CYP11B2: variants seen among roughly 807,000 people sequenced by gnomAD.
CYP11B2 encodes cytochrome P450 family 11 subfamily B member 2.
Under a neutral mutation model 49.3 loss-of-function variants are expected in CYP11B2, and 38 were observed. The ratio of observed to expected loss-of-function variants is 0.77; its 90% CI spans 0.59 to 1.01. CYP11B2 has a LOEUF of 1.01. CYP11B2 is among the 50% of genes least tolerant of loss of function. The probability of loss-of-function intolerance (pLI) is 0.00; values close to 1 mark genes in which losing one functional copy is unlikely to be tolerated. For synonymous variants in CYP11B2, 290 were observed against 269.3 expected, an observed-to-expected ratio of 1.08 and a Z score of -0.75; for missense variants, 669 against 655.5, an observed-to-expected ratio of 1.02 and a Z score of -0.23.
In CYP11B2 at chr8:142,917,310, C is replaced by G. The variant is rs555358164; in HGVS notation, c.240-96G>C. On this transcript the variant is annotated intron_variant, in intron 1 of 8. Coordinates refer to ENST00000323110, the MANE Select transcript of CYP11B2 (RefSeq NM_000498.3). ...CCAAAGTGTCTCCTGTCCACCCTCC[C>G]TGCTCCTGGATTAGCGGCTTCACAG... 4.9e-5 allele frequency: 72 copies of G among 1,478,420 alleles called. No individual in the cohort carries two copies. In the Admixed American group the frequency reaches 7.2e-4, roughly 15 times the overall value. The allele number at this position is 1,478,420 out of a possible 1,614,324, so 91.6% of individuals were successfully genotyped here.
At position 142,917,050 on chromosome 8, in the gene CYP11B2, G is replaced by A. The variant is rs769482132; in HGVS notation, c.395+9C>T. ...GCTCCCAGCTCTCAGCTCCCAACTC[G>A]CCGCTTACAACAAGAACACGCCACA... is the stretch of plus-strand genomic sequence containing the variant. On this transcript the variant is annotated intron_variant, in intron 2 of 8. Coordinates refer to ENST00000323110, the MANE Select transcript of CYP11B2 (RefSeq NM_000498.3). The A allele has an allele frequency of 2.4e-5, 39 of 1,613,806 alleles. No homozygotes were observed. In the Admixed American group the frequency reaches 4.0e-4, roughly 17 times the overall value.
intron 7 of CYP11B2, 29 bp from the exon 8 acceptor site, chr8:142,912,756 G>A: frequency 3.1e-6 from 5 of 1,613,530 alleles, no homozygotes; most frequent in Non-Finnish European, 3.4e-6. Context: ...AGGGATCAGG[G>A]AATGACTGGG....
chr8:142,917,325 C>G (rs533455894), intron 1 of CYP11B2, 111 bp from the exon 2 acceptor site: 19 of 1,433,198 alleles, frequency 1.3e-5, no homozygotes, highest in African/African-American at 2.8e-5. Flanking sequence ...CCTGGATTAG[C>G]GGCTTCACAG....
chr8:142,913,308 C>G lies in CYP11B2; in HGVS notation c.1098G>C (p.Arg366=). The G allele has an allele frequency of 6.2e-7, 1 of 1,613,356 alleles. No homozygotes were observed. The highest frequency in any genetic ancestry group is 8.5e-7 in the Non-Finnish European group (1 of 1,179,920). ...ACCGCAAGGTCTCCTTGAGGGCCGC[C>G]CGCAGCAAGGGCAGCTCGGTGGTTG... ...QKATTELPLL[R]AALKETLRLY... The change falls in exon 6 of 9, where the codon CGG becomes CGC. Residue 366 remains arginine (R), a synonymous_variant. Coordinates refer to ENST00000323110, the MANE Select transcript of CYP11B2 (RefSeq NM_000498.3).
At chr8:142,913,667 G>A (rs1817582543) in intron 5 of CYP11B2, among the ~76,000 whole-genome samples, 1 of 152,214 alleles carries the variant, frequency 6.6e-6, no homozygotes, top group Non-Finnish European at 1.5e-5. Context: ...CCAAGGCCCA[G>A]GTCCCCTGCA....
At chr8:142,917,020 A>G (rs1460851380) in intron 2 of CYP11B2, 39 bp downstream of exon 2, 1 of 1,611,838 alleles carries the variant, frequency 6.2e-7, no homozygotes, top group Middle Eastern at 1.7e-4. Context: ...CAGGCTGCCC[A>G]CCCTGCTCCC....
At chr8:142,915,358 G>A in intron 2 of CYP11B2, 113 bp from the exon 3 acceptor site, 1 of 986,296 alleles carries the variant, frequency 1.0e-6, no homozygotes, top group Admixed American at 2.0e-5. Context: ...GCTGACTGGG[G>A]GCCCTGGTAG....
rs765921219 is a variant in CYP11B2 at position 142,914,265 on chromosome 8, G to A, written c.953C>T (p.Thr318Met). The A allele has an allele frequency of 2.8e-5, 45 of 1,613,986 alleles. 1 individual carries two copies. The highest frequency in any genetic ancestry group is 1.5e-4 in the Admixed American group (9 of 60,006). The change falls in exon 5 of 9, where the codon ACG becomes ATG. Residue 318 changes from threonine to methionine, a missense_variant and splice_region_variant. Physicochemically the swap from Thr to Met is moderately conservative, Grantham distance 81. Transcript: ENST00000323110. ...GGTGGGGCTGGTTGCTGGCCTGACC[G>A]TGTCCACGCTCCCTGCAGTGAGTTC... ...SMELTAGSVDTTAFPLLMTLF... is the reference protein window; with the variant it reads ...SMELTAGSVDMTAFPLLMTLF...
At chr8:142,912,393 C>T in intron 8 of CYP11B2, 137 bp downstream of exon 8, 8 of 1,024,798 alleles carry the variant, frequency 7.8e-6, no homozygotes, top group Non-Finnish European at 1.2e-5. Flanking sequence ...CAGATCCTCC[C>T]TGGTCACGCC....
Position 142,914,423 on chromosome 8 carries a change from C to T in CYP11B2, c.800-5G>A. On this transcript the variant is annotated splice_region_variant and splice_polypyrimidine_tract_variant and intron_variant, in intron 4 of 8. Transcript: ENST00000323110. ...TTTTCTGGATACAGTTGTCACCTGTCCAGGGAGCAGGGGACAGCCCTCAGA... is the reference window on the plus strand; with the variant it reads ...TTTTCTGGATACAGTTGTCACCTGTTCAGGGAGCAGGGGACAGCCCTCAGA... The T allele has an allele frequency of 6.2e-7, 1 of 1,608,920 alleles. No individual in the cohort carries two copies. Among genetic ancestry groups the T allele is most frequent in the Non-Finnish European group, 8.5e-7 (1 of 1,176,786 alleles).
chr8:142,914,785 A>G lies in CYP11B2; in HGVS notation c.719T>C (p.Met240Thr). 6.2e-7 allele frequency: 1 copy of G among 1,613,618 alleles called. No homozygotes were observed. Among genetic ancestry groups the G allele is most frequent in the Non-Finnish European group, 8.5e-7 (1 of 1,179,968 alleles). ...MFKSTVQLMFMPRSLSRWISP... is the reference protein window; with the variant it reads ...MFKSTVQLMFTPRSLSRWISP... ...GATCCAGCGAGACAGGCTCCTGGGCATGAACATGAGCTGGACGGTGGATTT... is the reference window on the plus strand; with the variant it reads ...GATCCAGCGAGACAGGCTCCTGGGCGTGAACATGAGCTGGACGGTGGATTT... The change falls in exon 4 of 9, where the codon ATG becomes ACG. Residue 240 changes from methionine to threonine, a missense_variant. Coordinates refer to ENST00000323110, the MANE Select transcript of CYP11B2 (RefSeq NM_000498.3).
chr8:142,912,257 A>T (rs1401452371), intron 8 of CYP11B2, among the ~76,000 whole-genome samples, 164 bp from the exon 9 acceptor site: 1 of 152,038 alleles, frequency 6.6e-6, no homozygotes, highest in Non-Finnish European at 1.5e-5. Context: ...GACCAGGCCC[A>T]GACTGAATCC....
chr8:142,913,999 G>A (rs1276441775), intron 5 of CYP11B2: 6 of 603,080 alleles, frequency 9.9e-6, no homozygotes, highest in Non-Finnish European at 1.9e-5. Context: ...GTGTGTCCAG[G>A]GCCTCATCCA....
Position 142,913,299 on chromosome 8 carries a change from G to T in CYP11B2, c.1107C>A (p.Leu369=). ...CCAGCACCCACCGCAAGGTCTCCTT[G>T]AGGGCCGCCCGCAGCAAGGGCAGCT... ...TTELPLLRAA[L]KETLRLYPVG... is the part of the protein sequence containing the mutation. Residue 369 remains leucine, a synonymous_variant, in exon 6 of 9, where the codon CTC becomes CTA. Coordinates refer to ENST00000323110, the MANE Select transcript of CYP11B2 (RefSeq NM_000498.3). 1 of 1,613,666 alleles carries T rather than the reference G, an allele frequency of 6.2e-7. No individual in the cohort carries two copies. Among genetic ancestry groups the T allele is most frequent in the South Asian group, 1.1e-5 (1 of 91,056 alleles).
intron 8 of CYP11B2, 147 bp from the exon 9 acceptor site, chr8:142,912,240 C>G: frequency 7.0e-7 from 1 of 1,421,346 alleles, no homozygotes; most frequent in South Asian, 1.3e-5. Context: ...ACCAGCCCCA[C>G]CTTACGGACC....
Position 142,913,367 on chromosome 8 carries a change from C to A in CYP11B2, c.1039G>T (p.Ala347Ser). 6.2e-7 allele frequency: 1 copy of A among 1,613,932 alleles called. No individual in the cohort carries two copies. Among genetic ancestry groups the A allele is most frequent in the Non-Finnish European group, 8.5e-7 (1 of 1,180,010 alleles). ...QQILRQESLA[A>S]AASISEHPQK... ...GGATGTTCACTGATGCTGGCTGCGG[C>A]GGCCAGGCTCTCCTGGCGCAGGATC... Residue 347 changes from alanine (A) to serine (S), a missense_variant, in exon 6 of 9, where the codon GCC becomes TCC. Coordinates refer to ENST00000323110, the MANE Select transcript of CYP11B2 (RefSeq NM_000498.3).
At position 142,912,689 on chromosome 8, in the gene CYP11B2, A is replaced by C; in HGVS notation, c.1239T>G (p.Asn413Lys). Residue 413 changes from asparagine to lysine, a missense_variant, in exon 8 of 9, where the codon AAT (asparagine) becomes AAG (lysine). Coordinates refer to ENST00000323110, the MANE Select transcript of CYP11B2 (RefSeq NM_000498.3). ...GCTCAGGCCTCGGGAACAAGGCGGCATTGCGACCCAGCGAGTAGAGGAAAA... is the reference window on the plus strand; with the variant it reads ...GCTCAGGCCTCGGGAACAAGGCGGCCTTGCGACCCAGCGAGTAGAGGAAAA... ...VQVFLYSLGRNAALFPRPERY... is the reference protein window; with the variant it reads ...VQVFLYSLGRKAALFPRPERY... 1 of 1,613,544 alleles carries C rather than the reference A, an allele frequency of 6.2e-7. No individual in the cohort carries two copies. Among genetic ancestry groups the C allele is most frequent in the Non-Finnish European group, 8.5e-7 (1 of 1,179,756 alleles).
At position 142,914,663 on chromosome 8, in the gene CYP11B2, G is replaced by T. The variant is rs368564291; in HGVS notation, c.799+42C>A. On this transcript the variant is annotated intron_variant, in intron 4 of 8. Coordinates refer to ENST00000323110, the MANE Select transcript of CYP11B2 (RefSeq NM_000498.3). ...GGAGAAGGAGAAATTGGGCCCCCAT[G>T]GTGTCCCTTCCCCATAGCACTGCCC... 40 of 1,552,044 alleles carry T rather than the reference G, an allele frequency of 2.6e-5. No individual in the cohort carries two copies. The East Asian group carries it at 2.9e-4, about 11-fold the overall frequency.
Position 142,911,909 on chromosome 8 carries a change from A to G in CYP11B2, c.*71T>C. 6.2e-7 allele frequency: 1 copy of G among 1,607,998 alleles called. No homozygotes were observed. Among genetic ancestry groups the G allele is most frequent in the Non-Finnish European group, 8.5e-7 (1 of 1,176,980 alleles). On this transcript the variant is annotated 3_prime_UTR_variant, in exon 9 of 9. Coordinates refer to ENST00000323110, the MANE Select transcript of CYP11B2 (RefSeq NM_000498.3). ...TCAGGAAGCTGTGCACGTGGGAGAG[A>G]AGACAGGTGGCCTGGGGTCAGGCAG...
Sources: allele counts gnomAD v4.1 joint callset (sites outside exome capture counted in the v4.1 genomes callset), GRCh38; gene constraint gnomAD v4.1.1; transcripts MANE v1.5; gene names NCBI Gene and HGNC (gene_info 2026-07-23, HGNC 2026-07-21).